Variants in SPAG16 observed in about 807,000 individuals in gnomAD.
The protein encoded by SPAG16 is sperm associated antigen 16.
SPAG16 carries 86 observed loss-of-function variants against 80.4 expected under a neutral mutation model. The observed-to-expected ratio is 1.07, with a 90% CI of 0.90 to 1.28. The LOEUF (loss-of-function observed/expected upper bound fraction) is 1.28. Among genes scored for constraint, SPAG16 ranks in the 50% most tolerant of loss-of-function variants. The pLI is 0.00. For synonymous variants in SPAG16, 294 were observed against 265.9 expected (o/e 1.11, Z -1.03); for missense variants, 870 against 765.3 (o/e 1.14, Z -1.61).
At chr2:213,928,616 C>T (rs2078602459) in intron 11 of SPAG16, among the ~76,000 whole-genome samples, 1 of 152,112 alleles carries the variant, frequency 6.6e-6, no homozygotes, top group Admixed American at 6.5e-5. Context: ...ACTTTTTCTT[C>T]TTCATTTATA....
chr2:213,980,708 G>GTATA (rs796912299), intron 12 of SPAG16, among the ~76,000 whole-genome samples: 1,372 of 102,336 alleles, frequency 0.013, 19 homozygotes, highest in Middle Eastern at 0.035. Context: ...GTGTGTGTGT[G>GTATA]TGTGTATATA....
In SPAG16 at chr2:214,257,733, A is replaced by G. The variant is rs73081099; in HGVS notation, c.1720+108467A>G. Among the ~76,000 whole-genome samples, 1,491 of 152,220 alleles carry G rather than the reference A, an allele frequency of 9.8e-3. 28 individuals carry two copies. The highest frequency in any genetic ancestry group is 0.034 in the African/African-American group (1,395 of 41,576). ...GTTCTTTTTATATATTACTGGATTA[A>G]TTTAACAATAATATTTTCAAGGGAT... On this transcript the variant is annotated intron_variant, in intron 15 of 15. Coordinates refer to ENST00000331683, the MANE Select transcript of SPAG16 (RefSeq NM_024532.5).
chr2:213,463,911 CTA>C (rs1559157947), intron 9 of SPAG16, among the ~76,000 whole-genome samples: 1 of 152,202 alleles, frequency 6.6e-6, no homozygotes, highest in Non-Finnish European at 1.5e-5. Context: ...ACAGTGGAAT[CTA>C]TTTCAGTGAC....
chr2:213,447,472 T>A (rs2071400585), intron 9 of SPAG16, among the ~76,000 whole-genome samples: 2 of 152,178 alleles, frequency 1.3e-5, no homozygotes, highest in African/African-American at 4.8e-5. Context: ...CTTTGAGCCC[T>A]TTTCCTCTTT....
intron 9 of SPAG16, among the ~76,000 whole-genome samples, chr2:213,410,062 C>T (rs998979037): frequency 6.6e-6 from 1 of 152,044 alleles, no homozygotes; most frequent in Non-Finnish European, 1.5e-5. Flanking sequence ...TGCTAACCAC[C>T]GAGACTGCTG....
intron 15 of SPAG16, among the ~76,000 whole-genome samples, chr2:214,391,366 C>T (rs951264614): frequency 7.9e-5 from 12 of 152,094 alleles, no homozygotes; most frequent in Middle Eastern, 3.2e-3. Context: ...TTTCATTAAA[C>T]GTATTTCTTC....
chr2:214,320,206 C>A (rs1287822737), intron 15 of SPAG16, among the ~76,000 whole-genome samples: 1 of 152,154 alleles, frequency 6.6e-6, no homozygotes, highest in African/African-American at 2.4e-5. Context: ...TCTTTGGGTC[C>A]TTAGTTATAG....
In SPAG16 at chr2:213,716,436, T is replaced by C. The variant is rs556794444; in HGVS notation, c.1071-146049T>C. 2.4e-4 allele frequency among the ~76,000 whole-genome samples: 36 copies of C among 152,300 alleles called. 1 individual carries two copies. The South Asian group carries it at 2.9e-3, about 12-fold the overall frequency. On this transcript the variant is annotated intron_variant, in intron 10 of 15. Coordinates refer to ENST00000331683, the MANE Select transcript of SPAG16 (RefSeq NM_024532.5). ...CTAATTCTAGAGGCAAACTCAGAAT[T>C]TGGATTTAAGAAGATAATTATAGGG...
intron 13 of SPAG16, among the ~76,000 whole-genome samples, chr2:214,063,004 A>G (rs2050353433): frequency 6.6e-6 from 1 of 152,208 alleles, no homozygotes; most frequent in African/African-American, 2.4e-5. Context: ...ATTATATTTA[A>G]CCCAACATTT....
chr2:213,352,726 T>C (rs2065401726), intron 7 of SPAG16, among the ~76,000 whole-genome samples: 1 of 152,224 alleles, frequency 6.6e-6, no homozygotes, highest in Non-Finnish European at 1.5e-5. Flanking sequence ...GTTTAAAAAG[T>C]TAAAATCATT....
intron 10 of SPAG16, among the ~76,000 whole-genome samples, chr2:213,517,280 T>C (rs1187535138): frequency 1.3e-5 from 2 of 152,064 alleles, no homozygotes; most frequent in African/African-American, 4.8e-5. Flanking sequence ...ACCAGGAGAA[T>C]TGCAAAACAC....
chr2:213,705,436 TTTTG>T (rs2065705021), intron 10 of SPAG16, among the ~76,000 whole-genome samples: 1 of 151,494 alleles, frequency 6.6e-6, no homozygotes, highest in South Asian at 2.1e-4. Context: ...AAAGTGGTTT[TTTTG>T]TTTGTTTTGT....
intron 10 of SPAG16, among the ~76,000 whole-genome samples, chr2:213,795,944 AG>A (rs919679275): frequency 3.9e-5 from 6 of 152,144 alleles, no homozygotes; most frequent in African/African-American, 1.4e-4. Context: ...CCCAGCCTCA[AG>A]TGTTTCTTTA....
intron 15 of SPAG16, among the ~76,000 whole-genome samples, chr2:214,233,454 A>G (rs1021035820): frequency 1.3e-5 from 2 of 152,034 alleles, no homozygotes; most frequent in Admixed American, 1.3e-4. Context: ...TAAAACTAGG[A>G]TATTTGATCT....
chr2:213,800,550 A>T (rs1035021749), intron 10 of SPAG16, among the ~76,000 whole-genome samples: 11 of 152,032 alleles, frequency 7.2e-5, no homozygotes, highest in African/African-American at 2.7e-4. Context: ...TTTTTTAAAA[A>T]TTTTTATATG....
chr2:213,534,549 G>T (rs554990634), intron 10 of SPAG16, among the ~76,000 whole-genome samples: 1 of 151,962 alleles, frequency 6.6e-6, no homozygotes, highest in African/African-American at 2.4e-5. Context: ...TACAACTCAG[G>T]ATTAAAAGGA....
At chr2:213,629,887 A>G (rs2062083053) in intron 10 of SPAG16, among the ~76,000 whole-genome samples, 1 of 152,220 alleles carries the variant, frequency 6.6e-6, no homozygotes, top group African/African-American at 2.4e-5. Flanking sequence ...CTCTCAGTGC[A>G]CAGGCACAGC....
chr2:214,246,136 A>T (rs1689830907), intron 15 of SPAG16, among the ~76,000 whole-genome samples: 2 of 152,128 alleles, frequency 1.3e-5, no homozygotes, highest in Non-Finnish European at 1.5e-5. Context: ...CAAAAAAAAA[A>T]TGAGAGGGAA....
intron 1 of SPAG16, among the ~76,000 whole-genome samples, chr2:213,291,455 A>G (rs970561765): frequency 6.6e-6 from 1 of 152,226 alleles, no homozygotes; most frequent in African/African-American, 2.4e-5. Context: ...CAATCAAAGT[A>G]TGTATCTTCC....
Sources: allele counts gnomAD v4.1 joint callset (sites outside exome capture counted in the v4.1 genomes callset), GRCh38; gene constraint gnomAD v4.1.1; transcripts MANE v1.5; gene names NCBI Gene and HGNC (gene_info 2026-07-23, HGNC 2026-07-21).